MRPS28: variants seen among roughly 807,000 people sequenced by gnomAD.
The protein encoded by MRPS28 is small ribosomal subunit protein bS1m.
A neutral mutation model predicts 10.8 loss-of-function variants in MRPS28; 7 were observed. That is an observed-to-expected ratio of 0.65 (90% CI 0.37 to 1.22). The LOEUF is 1.22. Ranked by LOEUF, MRPS28 falls within the 50% of genes most tolerant of loss-of-function variation. The probability of loss-of-function intolerance (pLI) is 0.02; values close to 1 mark genes in which losing one functional copy is unlikely to be tolerated. For missense variants in MRPS28, 265 were observed against 232.9 expected, an observed-to-expected ratio of 1.14 and a Z score of -0.90; for synonymous variants, 121 against 93.3, an observed-to-expected ratio of 1.30 and a Z score of -1.71.
intron 2 of MRPS28, among the ~76,000 whole-genome samples, chr8:79,967,643 C>T (rs976619215): frequency 3.9e-5 from 6 of 152,146 alleles, no homozygotes; most frequent in African/African-American, 1.4e-4. Flanking sequence ...CCACCCTATG[C>T]CTGTTAGACA....
intron 1 of MRPS28, among the ~76,000 whole-genome samples, chr8:80,018,064 C>A (rs1224551171): frequency 2.6e-5 from 4 of 151,918 alleles, no homozygotes; most frequent in Non-Finnish European, 4.4e-5. Flanking sequence ...CCGAGGCGGG[C>A]GGATCACAAG....
intron 2 of MRPS28, among the ~76,000 whole-genome samples, chr8:79,996,898 A>G (rs908410060): frequency 1.3e-5 from 2 of 152,230 alleles, no homozygotes; most frequent in Non-Finnish European, 2.9e-5. Context: ...GGATATACAC[A>G]GCCCTAGATT....
chr8:79,941,357 T>C (rs1806761119), intron 2 of MRPS28, among the ~76,000 whole-genome samples: 2 of 152,146 alleles, frequency 1.3e-5, no homozygotes, highest in South Asian at 4.1e-4. Flanking sequence ...GATCACCAAC[T>C]GAAGAAAGTG....
chr8:79,992,569 G>A lies in MRPS28; in HGVS notation c.395+10430C>T, dbSNP rs141061195. On this transcript the variant is annotated intron_variant, in intron 2 of 2. Coordinates refer to ENST00000276585, the MANE Select transcript of MRPS28 (RefSeq NM_014018.3). ...ATTCCTCTGTGTTACTGTGCTATAC[G>A]TTTATATCTTTCCTCCTAAAGATGA... Among the ~76,000 whole-genome samples, 23 of 152,196 alleles carry A rather than the reference G, an allele frequency of 1.5e-4. No individual in the cohort carries two copies. The South Asian group carries it at 2.7e-3, about 18-fold the overall frequency.
chr8:79,948,811 T>G (rs924879627), intron 2 of MRPS28, among the ~76,000 whole-genome samples: 4 of 152,230 alleles, frequency 2.6e-5, no homozygotes, highest in Non-Finnish European at 4.4e-5. Flanking sequence ...CAGGATAAAC[T>G]GCACTTTGGT....
intron 2 of MRPS28, among the ~76,000 whole-genome samples, chr8:80,001,206 A>G (rs1451457623): frequency 3.3e-5 from 5 of 152,244 alleles, no homozygotes; most frequent in Non-Finnish European, 7.3e-5. Context: ...GATGGACAGC[A>G]TCCATGGTAG....
chr8:79,963,401 T>A (rs910233496), intron 2 of MRPS28, among the ~76,000 whole-genome samples: 1 of 152,010 alleles, frequency 6.6e-6, no homozygotes, highest in African/African-American at 2.4e-5. Context: ...ATGGGGGCGG[T>A]AACCAGATGT....
intron 2 of MRPS28, among the ~76,000 whole-genome samples, chr8:79,952,014 C>T (rs1807091105): frequency 6.6e-6 from 1 of 152,166 alleles, no homozygotes. Flanking sequence ...CAACTGAAAG[C>T]ATCTTCATTA....
chr8:79,920,672 T>C (rs764523150), intron 2 of MRPS28, among the ~76,000 whole-genome samples: 2 of 152,242 alleles, frequency 1.3e-5, no homozygotes, highest in South Asian at 2.1e-4. Context: ...GAGTTCATTG[T>C]AGATTCTGGA....
intron 2 of MRPS28, among the ~76,000 whole-genome samples, chr8:79,967,114 T>G (rs1807523370): frequency 6.6e-6 from 1 of 152,178 alleles, no homozygotes; most frequent in African/African-American, 2.4e-5. Flanking sequence ...GCATATCTTT[T>G]GACAACAGGC....
intron 2 of MRPS28, 103 bp downstream of exon 2, chr8:80,002,896 T>A: frequency 1.0e-6 from 1 of 979,856 alleles, no homozygotes; most frequent in Non-Finnish European, 1.5e-6. Flanking sequence ...CAAATAAATA[T>A]GTTTTCTGTC....
At chr8:79,952,328 CCTA>C (rs1376563768) in intron 2 of MRPS28, among the ~76,000 whole-genome samples, 1 of 152,078 alleles carries the variant, frequency 6.6e-6, no homozygotes, top group Non-Finnish European at 1.5e-5. Context: ...TTTTAATGGG[CCTA>C]CTTTCTCTTT....
chr8:79,950,322 C>G (rs183472337), intron 2 of MRPS28, among the ~76,000 whole-genome samples: 22 of 152,254 alleles, frequency 1.4e-4, no homozygotes, highest in African/African-American at 4.6e-4. Flanking sequence ...TTTCTCAACT[C>G]GGGTTCAGCC....
chr8:79,921,657 T>G (rs1203294174), intron 2 of MRPS28, among the ~76,000 whole-genome samples: 9 of 152,256 alleles, frequency 5.9e-5, no homozygotes, highest in Admixed American at 2.0e-4. Flanking sequence ...TGCTGAAGTT[T>G]CTTATCAGCT....
chr8:79,961,274 T>C (rs1473607467), intron 2 of MRPS28, among the ~76,000 whole-genome samples: 1 of 152,120 alleles, frequency 6.6e-6, no homozygotes, highest in Admixed American at 6.6e-5. Context: ...GCTAATTATT[T>C]TCCCTTTTTG....
chr8:80,001,129 T>C (rs746473994), intron 2 of MRPS28, among the ~76,000 whole-genome samples: 1 of 152,200 alleles, frequency 6.6e-6, no homozygotes, highest in Non-Finnish European at 1.5e-5. Flanking sequence ...TATATCTTTT[T>C]ATAAAGTCAA....
At chr8:80,027,424 T>C (rs1809519561) in intron 1 of MRPS28, among the ~76,000 whole-genome samples, 1 of 152,220 alleles carries the variant, frequency 6.6e-6, no homozygotes, top group African/African-American at 2.4e-5. Flanking sequence ...CCGAAGCTTT[T>C]AACCCAAGCA....
chr8:80,023,585 T>C (rs991645111), intron 1 of MRPS28, among the ~76,000 whole-genome samples: 2 of 152,214 alleles, frequency 1.3e-5, no homozygotes, highest in Non-Finnish European at 2.9e-5. Context: ...AAATCTAATA[T>C]ATTGCTAAAA....
At chr8:79,973,284 G>A (rs1807685704) in intron 2 of MRPS28, among the ~76,000 whole-genome samples, 1 of 151,996 alleles carries the variant, frequency 6.6e-6, no homozygotes, top group Admixed American at 6.6e-5. Flanking sequence ...GAGAGAGAGA[G>A]TGTGTGTGTG....
Sources: allele counts gnomAD v4.1 joint callset (sites outside exome capture counted in the v4.1 genomes callset), GRCh38; gene constraint gnomAD v4.1.1; transcripts MANE v1.5; gene names NCBI Gene and HGNC (gene_info 2026-07-23, HGNC 2026-07-21).